DIP2C: variants seen among roughly 807,000 people sequenced by gnomAD.
The protein encoded by DIP2C is DIP2 acetate--CoA ligase C (putative), also known as disco-interacting protein 2 homolog C.
A neutral mutation model predicts 192.4 loss-of-function variants in DIP2C; 33 were observed. The observed-to-expected ratio is 0.17, with a 90% CI of 0.13 to 0.23. DIP2C has a LOEUF of 0.23. Among genes scored for constraint, DIP2C ranks in the 10% least tolerant of loss-of-function variants. The pLI is 1.00. For synonymous variants in DIP2C, 979 were observed against 864.1 expected (o/e 1.13, Z -2.33); for missense variants, 1,537 against 2,110.1 (o/e 0.73, Z 5.32).
At chr10:486,315 AG>A in intron 2 of DIP2C, 143 bp downstream of exon 2, 1 of 678,270 alleles carries the variant, frequency 1.5e-6, no homozygotes, top group Admixed American at 3.1e-5. Context: ...GATCACTCAA[AG>A]GAACTGAATG....
At chr10:299,445 C>T (rs915997509) in intron 32 of DIP2C, among the ~76,000 whole-genome samples, 1 of 152,100 alleles carries the variant, frequency 6.6e-6, no homozygotes, top group Non-Finnish European at 1.5e-5. Flanking sequence ...ATCTTCATGA[C>T]GTTGACATTT....
At chr10:372,003 C>A (rs893280124) in intron 17 of DIP2C, among the ~76,000 whole-genome samples, 2 of 151,722 alleles carry the variant, frequency 1.3e-5, no homozygotes, top group African/African-American at 2.4e-5. Context: ...GGGCAAGGGC[C>A]GGAAGGGAAA....
At chr10:638,341 G>A (rs866814107) in intron 1 of DIP2C, among the ~76,000 whole-genome samples, 2 of 152,160 alleles carry the variant, frequency 1.3e-5, no homozygotes, top group Non-Finnish European at 2.9e-5. Context: ...AAAAGAGCAC[G>A]CTCTATTTAG....
intron 1 of DIP2C, among the ~76,000 whole-genome samples, chr10:578,988 TGTAG>T (rs1338823394): frequency 1.3e-5 from 2 of 151,898 alleles, no homozygotes; most frequent in South Asian, 2.1e-4. Context: ...AGTGTACATA[TGTAG>T]GTACACTATA....
chr10:297,186 T>G (rs1326630925), intron 32 of DIP2C, among the ~76,000 whole-genome samples: 1 of 150,802 alleles, frequency 6.6e-6, no homozygotes, highest in Non-Finnish European at 1.5e-5. Context: ...AGAGTGAGAC[T>G]GTCTCAAAAA....
rs148004134 is a variant in DIP2C, at chr10:337,049, GGTGTGTGTGT to G, written c.3584+4140_3584+4149del. ...TGTGTGTGTTGTGGAGGCCTAGACT[GGTGTGTGTGT>G]GTGTGTGTGTGTGTTGTGGAGGCCT... On this transcript the variant is annotated intron_variant, in intron 29 of 36. Coordinates refer to ENST00000280886, the MANE Select transcript of DIP2C (RefSeq NM_014974.3). 9.5e-4 allele frequency among the ~76,000 whole-genome samples: 36 copies of G among 37,964 alleles called. 1 individual carries two copies. The highest frequency in any genetic ancestry group is 4.3e-3 in the African/African-American group (34 of 7,932). The allele number at this position is 37,964 out of a possible 152,430, so 24.9% of individuals were successfully genotyped here. A position where few individuals can be genotyped will look rare whatever the true frequency, so the allele number is the denominator to read the frequency against.
At chr10:574,161 T>C (rs1850000214) in intron 1 of DIP2C, among the ~76,000 whole-genome samples, 1 of 152,230 alleles carries the variant, frequency 6.6e-6, no homozygotes, top group Non-Finnish European at 1.5e-5. Context: ...GCTTTTTGCA[T>C]CGATAAAGAC....
chr10:513,261 C>G (rs1437136701), intron 1 of DIP2C, among the ~76,000 whole-genome samples: 2 of 152,138 alleles, frequency 1.3e-5, no homozygotes, highest in African/African-American at 4.8e-5. Context: ...TAAACATAAG[C>G]TACTAAATTA....
chr10:610,709 T>G (rs975040734), intron 1 of DIP2C, among the ~76,000 whole-genome samples: 18 of 151,924 alleles, frequency 1.2e-4, no homozygotes, highest in African/African-American at 4.1e-4. Context: ...GTGTTGGAGG[T>G]GGGCCCTGGT....
chr10:594,697 C>T (rs1215431934), intron 1 of DIP2C, among the ~76,000 whole-genome samples: 2 of 152,190 alleles, frequency 1.3e-5, no homozygotes, highest in African/African-American at 4.8e-5. Context: ...TTCAACACCC[C>T]TAGTGAAGGG....
At chr10:575,410 T>C (rs1394894637) in intron 1 of DIP2C, among the ~76,000 whole-genome samples, 1 of 152,118 alleles carries the variant, frequency 6.6e-6, no homozygotes, top group Non-Finnish European at 1.5e-5. Flanking sequence ...AGGGGAGCAG[T>C]GAGAGAAAGG....
rs975706182 is a variant in DIP2C at position 516,226 on chromosome 10, T to A, written c.86-29696A>T. Among the ~76,000 whole-genome samples, 4 of 136,992 alleles carry A rather than the reference T, an allele frequency of 2.9e-5. No homozygotes were observed. The East Asian group carries it at 6.7e-4, about 23-fold the overall frequency. 89.9% of individuals were successfully genotyped at this position (136,992 alleles called of 152,430 possible). On this transcript the variant is annotated intron_variant, in intron 1 of 36. Transcript: ENST00000280886. ...ATGGAGCTGACAAGCAGATGACAGC[T>A]TTTCCAAAATGTTCCCACGTTTATA...
chr10:475,651 C>T (rs1365050737), intron 2 of DIP2C, among the ~76,000 whole-genome samples: 2 of 152,170 alleles, frequency 1.3e-5, no homozygotes, highest in Non-Finnish European at 2.9e-5. Flanking sequence ...AGTCTGAAAA[C>T]AAATGAATAA....
chr10:546,971 ATC>A (rs1307778987), intron 1 of DIP2C, among the ~76,000 whole-genome samples: 1 of 152,238 alleles, frequency 6.6e-6, no homozygotes, highest in Non-Finnish European at 1.5e-5. Flanking sequence ...GCAAATACCT[ATC>A]TCTTAAGTGG....
chr10:385,791 C>CA (rs1164530868), intron 14 of DIP2C, among the ~76,000 whole-genome samples: 1 of 151,964 alleles, frequency 6.6e-6, no homozygotes, highest in Non-Finnish European at 1.5e-5. Context: ...TTGTAGGCTA[C>CA]GGGGTGGGGG....
At chr10:423,525 G>A (rs1195395059) in intron 4 of DIP2C, among the ~76,000 whole-genome samples, 6 of 152,032 alleles carry the variant, frequency 3.9e-5, no homozygotes. Flanking sequence ...CTATGTCGGT[G>A]TGTGTGTTAG....
intron 1 of DIP2C, among the ~76,000 whole-genome samples, chr10:563,433 G>A (rs947255877): frequency 6.6e-6 from 1 of 152,154 alleles, no homozygotes; most frequent in Non-Finnish European, 1.5e-5. Flanking sequence ...TACCAAACTA[G>A]GTGAAATGAG....
intron 1 of DIP2C, among the ~76,000 whole-genome samples, chr10:681,171 A>C (rs1031506702): frequency 1.3e-5 from 2 of 152,122 alleles, no homozygotes; most frequent in Non-Finnish European, 2.9e-5. Flanking sequence ...GTGGCCACAG[A>C]AATTCCAGGG....
chr10:498,053 T>G (rs771819855), intron 1 of DIP2C, among the ~76,000 whole-genome samples: 1 of 152,106 alleles, frequency 6.6e-6, no homozygotes, highest in Non-Finnish European at 1.5e-5. Context: ...GTATTTTTTG[T>G]AGAGATGGGG....
Sources: gnomAD v4.1 joint callset for allele counts (sites outside exome capture counted in the v4.1 genomes callset) on GRCh38, gnomAD v4.1.1 for gene constraint, MANE v1.5 for transcripts, NCBI Gene and HGNC (gene_info 2026-07-23, HGNC 2026-07-21) for gene names.